Variants in SPIRE1 observed in about 807,000 individuals in gnomAD.
SPIRE1 encodes protein spire homolog 1.
In SPIRE1, 40 loss-of-function variants were observed where a neutral mutation model predicts 94.1. That is an observed-to-expected ratio of 0.43 (90% CI 0.33 to 0.55). SPIRE1 has a LOEUF of 0.55. Ranked by LOEUF, SPIRE1 falls within the 20% of genes least tolerant of loss-of-function variation. The probability of loss-of-function intolerance (pLI) is 0.06; values close to 1 mark genes in which losing one functional copy is unlikely to be tolerated. For synonymous variants in SPIRE1, 376 were observed against 371.7 expected, an observed-to-expected ratio of 1.01 and a Z score of -0.13; for missense variants, 838 against 975.2, an observed-to-expected ratio of 0.86 and a Z score of 1.87.
chr18:12,521,923 T>C (rs2034373746), intron 4 of SPIRE1, among the ~76,000 whole-genome samples: 2 of 152,140 alleles, frequency 1.3e-5, no homozygotes, highest in Non-Finnish European at 2.9e-5. Context: ...CACTAGCCAT[T>C]CCCCCATCTC....
chr18:12,461,525 T>C (rs12965470), intron 12 of SPIRE1, among the ~76,000 whole-genome samples: 2 of 58,626 alleles, frequency 3.4e-5, no homozygotes, highest in East Asian at 1.9e-3. Flanking sequence ...TACATATGTG[T>C]GGTATGTACG....
At chr18:12,642,831 T>C (rs2038123588) in intron 1 of SPIRE1, among the ~76,000 whole-genome samples, 1 of 152,180 alleles carries the variant, frequency 6.6e-6, no homozygotes, top group African/African-American at 2.4e-5. Flanking sequence ...GCTTAAAACC[T>C]AGATCACGGG....
chr18:12,498,193 GT>G (rs2033528058), intron 6 of SPIRE1, among the ~76,000 whole-genome samples: 1 of 152,180 alleles, frequency 6.6e-6, no homozygotes, highest in Non-Finnish European at 1.5e-5. Context: ...AGATGTCCAG[GT>G]TTGTGACGCT....
Position 12,607,738 on chromosome 18 carries a change from GT to G in SPIRE1, c.372+27323del, listed in dbSNP as rs145772725. Among the ~76,000 whole-genome samples the G allele has an allele frequency of 8.1e-3, 1,232 of 152,218 alleles. 14 individuals carry two copies. Among genetic ancestry groups the G allele is most frequent in the African/African-American group, 0.028 (1,175 of 41,506 alleles). On this transcript the variant is annotated intron_variant, in intron 2 of 16. Transcript: ENST00000409402. ...AAAAGTTAAAGACTTACCTGGGAATGTTTGTAACACACAGAAATGTGTTTAT... is the reference window on the plus strand; with the variant it reads ...AAAAGTTAAAGACTTACCTGGGAATGTTGTAACACACAGAAATGTGTTTAT...
chr18:12,476,474 G>A (rs1408751896), intron 10 of SPIRE1, among the ~76,000 whole-genome samples: 1 of 144,420 alleles, frequency 6.9e-6, no homozygotes, highest in Non-Finnish European at 1.5e-5. Context: ...CTGGGAGGTC[G>A]AGTTTGCAGT....
rs2033835876 is a variant in SPIRE1 at position 12,506,461 on chromosome 18, C to G, written c.972+16G>C. 2 of 1,612,674 alleles carry G rather than the reference C, an allele frequency of 1.2e-6. No homozygotes were observed. On this transcript the variant is annotated intron_variant, in intron 6 of 16. Coordinates refer to ENST00000409402, the MANE Select transcript of SPIRE1 (RefSeq NM_001128626.2). ...GGAGTGAGCCACATGCCCGGCCTGA[C>G]AGCTTGGTTACTTACCATCACTTTT... is the stretch of plus-strand genomic sequence containing the variant.
rs149046819 is a variant in SPIRE1 at position 12,541,804 on chromosome 18, G to T, written c.603+4870C>A. ...GTATTTTAGGCTAGTACAATCCACA[G>T]AAATACAGTGTGAGCCATGTATGTA... On this transcript the variant is annotated intron_variant, in intron 3 of 16. Transcript: ENST00000409402. Among the ~76,000 whole-genome samples the T allele has an allele frequency of 2.6e-3, 388 of 151,910 alleles. 1 individual carries two copies. Among genetic ancestry groups the T allele is most frequent in the African/African-American group, 9.0e-3 (372 of 41,444 alleles).
chr18:12,579,578 T>C (rs750601535), intron 2 of SPIRE1, among the ~76,000 whole-genome samples: 1 of 152,188 alleles, frequency 6.6e-6, no homozygotes, highest in Non-Finnish European at 1.5e-5. Context: ...AATGGTTATA[T>C]AGCAAATGCC....
At chr18:12,464,286 T>C (rs893530969) in intron 11 of SPIRE1, among the ~76,000 whole-genome samples, 1 of 132,988 alleles carries the variant, frequency 7.5e-6, no homozygotes, top group African/African-American at 3.0e-5. Context: ...CTACTGTTTT[T>C]GATATAATCT....
intron 4 of SPIRE1, 106 bp downstream of exon 4, chr18:12,535,369 TA>T: frequency 8.1e-7 from 1 of 1,228,772 alleles, no homozygotes. Context: ...ATAAATCTTT[TA>T]AAACAATACA....
intron 2 of SPIRE1, among the ~76,000 whole-genome samples, chr18:12,619,848 G>GA (rs35340668): frequency 0.11 from 12,353 of 110,724 alleles, 768 homozygotes; most frequent in African/African-American, 0.12. Flanking sequence ...TCTGCCTCAG[G>GA]AAAAAAAAAA....
At chr18:12,506,243 C>T (rs2033827155) in intron 6 of SPIRE1, among the ~76,000 whole-genome samples, 1 of 152,082 alleles carries the variant, frequency 6.6e-6, no homozygotes, top group South Asian at 2.1e-4. Flanking sequence ...CTGCAACCTC[C>T]ACCTCCTGGG....
chr18:12,658,659 C>G, upstream of SPIRE1: 1 of 466,136 alleles, frequency 2.1e-6, no homozygotes, highest in South Asian at 1.6e-5. Flanking sequence ...GAAGCCTCCC[C>G]GCCGGGCCCT....
chr18:12,509,785 A>C (rs968429748), intron 5 of SPIRE1, among the ~76,000 whole-genome samples: 1 of 152,130 alleles, frequency 6.6e-6, no homozygotes, highest in African/African-American at 2.4e-5. Context: ...AAGCCAAACC[A>C]AAAACAGTAC....
rs137982531 is a variant in SPIRE1 at position 12,563,961 on chromosome 18, T to C, written c.373-17057A>G. The stretch of plus-strand genomic sequence containing the variant: ...AAATCATACATAAAGCCGATGTAAA[T>C]AGAGTATATATATTATGTTTTACAT... On this transcript the variant is annotated intron_variant, in intron 2 of 16. Coordinates refer to ENST00000409402, the MANE Select transcript of SPIRE1 (RefSeq NM_001128626.2). 6.7e-3 allele frequency among the ~76,000 whole-genome samples: 1,015 copies of C among 152,228 alleles called. 12 individuals are homozygous for C. Among genetic ancestry groups the C allele is most frequent in the African/African-American group, 0.023 (946 of 41,540 alleles).
chr18:12,661,242 A>C (rs2038690360), upstream of SPIRE1: 2 of 277,214 alleles, frequency 7.2e-6, no homozygotes, highest in Admixed American at 6.5e-5. Flanking sequence ...CGGGAGGCGG[A>C]GCGTGCAGTG....
At chr18:12,462,078 G>A (rs1394055377) in intron 12 of SPIRE1, among the ~76,000 whole-genome samples, 1 of 152,152 alleles carries the variant, frequency 6.6e-6, no homozygotes, top group Admixed American at 6.5e-5. Flanking sequence ...CACTGACAAG[G>A]CTATATTTAA....
chr18:12,579,186 T>TACAC (rs755425946), intron 2 of SPIRE1, among the ~76,000 whole-genome samples: 3,623 of 108,466 alleles, frequency 0.033, 65 homozygotes, highest in East Asian at 0.12. Context: ...GGAAAAAGTT[T>TACAC]ACACACACAC....
At chr18:12,654,330 C>T (rs1228806776) in intron 1 of SPIRE1, among the ~76,000 whole-genome samples, 2 of 109,846 alleles carry the variant, frequency 1.8e-5, no homozygotes, top group Non-Finnish European at 1.9e-5. Context: ...AAGTGAGACT[C>T]CACCTCAAAA....
Sources: gnomAD v4.1 joint callset for allele counts (sites outside exome capture counted in the v4.1 genomes callset) on GRCh38, gnomAD v4.1.1 for gene constraint, MANE v1.5 for transcripts, NCBI Gene and HGNC (gene_info 2026-07-23, HGNC 2026-07-21) for gene names.